The following SCNN1A variants were observed in gnomAD, a reference collection of about 807,000 sequenced individuals.
SCNN1A encodes sodium channel epithelial 1 subunit alpha, also known as epithelial sodium channel subunit alpha.
A neutral mutation model predicts 68.6 loss-of-function variants in SCNN1A; 65 were observed. The observed-to-expected ratio is 0.95, with a 90% CI of 0.78 to 1.16. The LOEUF is 1.16. Ranked by LOEUF, SCNN1A falls within the 50% of genes most tolerant of loss-of-function variation. SCNN1A has a pLI of 0.00. For synonymous variants in SCNN1A, 357 were observed against 353.3 expected (o/e 1.01, Z -0.12); for missense variants, 880 against 865.9 (o/e 1.02, Z -0.20).
intron 4 of SCNN1A, among the ~76,000 whole-genome samples, chr12:6,360,760 G>A (rs867153910): frequency 1.3e-5 from 2 of 148,612 alleles, no homozygotes; most frequent in Non-Finnish European, 1.5e-5. Flanking sequence ...GGGAGGAGGG[G>A]GCCAGAGGTT....
chr12:6,353,793 G>GT (rs1300062958), intron 8 of SCNN1A: 2 of 137,068 alleles, frequency 1.5e-5, no homozygotes, highest in South Asian at 4.9e-4. Flanking sequence ...GTTTCACCGT[G>GT]TTAGCCAGGA....
Position 6,355,286 on chromosome 12 carries a change from T to TG in SCNN1A, c.1128dup (p.Ile377HisfsTer24), listed in dbSNP as rs1948475887. ...AGCATCCTTGCCTTCCTCATGCTGA[T>TG]GGAGGTCTCCACGCCAGGCCGCAAG... On this transcript the variant is annotated frameshift_variant, in exon 6 of 13. Coordinates refer to ENST00000228916, the MANE Select transcript of SCNN1A (RefSeq NM_001038.6). LOFTEE classifies it high-confidence loss of function. The TG allele has an allele frequency of 1.2e-6, 2 of 1,613,230 alleles. No homozygotes were observed. Among genetic ancestry groups the TG allele is most frequent in the Non-Finnish European group, 8.5e-7 (1 of 1,179,638 alleles).
upstream of SCNN1A, chr12:6,377,276 C>T (rs969045309): frequency 6.4e-7 from 1 of 1,550,654 alleles, no homozygotes; most frequent in Non-Finnish European, 8.7e-7. Context: ...TGATACCTCC[C>T]CTTGGAAGGG....
intron 2 of SCNN1A, among the ~76,000 whole-genome samples, chr12:6,365,435 T>G (rs1430381188): frequency 1.3e-5 from 2 of 152,240 alleles, no homozygotes; most frequent in Non-Finnish European, 2.9e-5. Flanking sequence ...GGAAAATGTA[T>G]TCCTCCTGAC....
intron 2 of SCNN1A, chr12:6,364,029 T>C (rs994785847): frequency 4.2e-6 from 1 of 237,738 alleles, no homozygotes; most frequent in Admixed American, 5.7e-5. Context: ...GGAACTTGTC[T>C]GCCCTTTCCC....
chr12:6,357,555 C>CAA (rs10677875), intron 4 of SCNN1A, among the ~76,000 whole-genome samples: 29,381 of 142,102 alleles, frequency 0.21, 5,933 homozygotes, highest in African/African-American at 0.53. Flanking sequence ...GACTCTGTCT[C>CAA]AAAAAAAAAA....
chr12:6,353,494 C>A (rs1948425347), intron 8 of SCNN1A, among the ~76,000 whole-genome samples: 1 of 152,130 alleles, frequency 6.6e-6, no homozygotes, highest in Admixed American at 6.6e-5. Flanking sequence ...TGCACTGAAA[C>A]CTTAGGAGCC....
rs41279086 is a variant in SCNN1A, at chr12:6,375,310, C to T, written c.-55+195G>A. 4.7e-3 allele frequency: 6,781 copies of T among 1,438,110 alleles called. 25 individuals carry two copies. The highest frequency in any genetic ancestry group is 5.8e-3 in the Non-Finnish European group (6,433 of 1,103,000). 89.1% of individuals were successfully genotyped at this position (1,438,110 alleles called of 1,614,324 possible). ...TCTTCCTCTCCCCCCCTTGCCTTGC[C>T]CCCTCTCACTCTAGGCCCTCAGCTC... On this transcript the variant is annotated intron_variant, in intron 1 of 12. Transcript: ENST00000228916.
intron 2 of SCNN1A, among the ~76,000 whole-genome samples, chr12:6,370,053 C>T (rs748945631): frequency 5.9e-5 from 9 of 152,180 alleles, no homozygotes; most frequent in African/African-American, 1.2e-4. Flanking sequence ...CAGTCCAGCC[C>T]TTCTGGCCTT....
At chr12:6,357,134 C>T (rs149742202) in intron 4 of SCNN1A, among the ~76,000 whole-genome samples, 59 of 152,316 alleles carry the variant, frequency 3.9e-4, no homozygotes, top group African/African-American at 1.4e-3. Flanking sequence ...GGAGAGGCTA[C>T]AGAGGTGGCC....
chr12:6,364,606 C>A (rs1457165254), intron 2 of SCNN1A, among the ~76,000 whole-genome samples: 4 of 151,002 alleles, frequency 2.6e-5, no homozygotes, highest in Non-Finnish European at 5.9e-5. Flanking sequence ...AAAAAAAATA[C>A]AAAAAATTAG....
chr12:6,375,610 G>C, upstream of SCNN1A: 1 of 1,053,190 alleles, frequency 9.5e-7, no homozygotes, highest in Non-Finnish European at 1.4e-6. Context: ...CAGGGCGGGG[G>C]GAGGGGCTGA....
rs1252047866 is a variant in SCNN1A at position 6,363,630 on chromosome 12, G to A, written c.497C>T (p.Ser166Phe). Residue 166 changes from serine (S) to phenylalanine (F), a missense_variant, in exon 3 of 13, where the codon TCC becomes TTC. Ser to Phe is a radical substitution (Grantham distance 155, BLOSUM62 -2). This residue lies in a region of SCNN1A where 758 missense variants were observed against 721.8 expected (regional missense o/e 1.05). Coordinates refer to ENST00000228916, the MANE Select transcript of SCNN1A (RefSeq NM_001038.6). ...GGAGCCGGCCACGAGAGTGGTGAAG[G>A]AGCTGTATTTGTACAGGTCAAAGAG... is the stretch of plus-strand genomic sequence containing the variant. ...QTLFDLYKYS[S>F]FTTLVAGSRS... 2.5e-6 allele frequency: 4 copies of A among 1,613,322 alleles called. No homozygotes were observed. The highest frequency in any genetic ancestry group is 1.3e-5 in the African/African-American group (1 of 74,870).
rs1315609296 is a variant in SCNN1A at position 6,363,580 on chromosome 12, T to G, written c.547A>C (p.Thr183Pro). The G allele has an allele frequency of 1.2e-6, 2 of 1,610,428 alleles. No homozygotes were observed. The highest frequency in any genetic ancestry group is 1.7e-6 in the Non-Finnish European group (2 of 1,178,674). ...GSRSRRDLRG[T>P]LPHPLQRLRV... is the part of the protein sequence containing the mutation. ...AGGCGCTGCAAGGGGTGCGGCAGAG[T>G]CCCCCGCAGGTCGCGACGGCTGCGG... Residue 183 changes from threonine to proline, a missense_variant, in exon 3 of 13, where the codon ACT becomes CCT. Around this residue, in one of 3 missense-constraint regions of SCNN1A, gnomAD observed 758 missense variants for 721.8 expected, o/e 1.05. Coordinates refer to ENST00000228916, the MANE Select transcript of SCNN1A (RefSeq NM_001038.6).
Position 6,350,210 on chromosome 12 carries a change from A to G in SCNN1A, c.1361-805T>C, listed in dbSNP as rs565073728. Reference sequence around the variant, plus strand: ...CACTTTGGGAGGCCGAGGCGGGTGGATCACGAGGTCAAGAGATCGAGACCA... The same window carrying G: ...CACTTTGGGAGGCCGAGGCGGGTGGGTCACGAGGTCAAGAGATCGAGACCA... On this transcript the variant is annotated intron_variant, in intron 8 of 12. Transcript: ENST00000228916. 2.7e-5 allele frequency among the ~76,000 whole-genome samples: 4 copies of G among 150,026 alleles called. No homozygotes were observed. The East Asian group carries it at 8.0e-4, about 30-fold the overall frequency.
At position 6,374,327 on chromosome 12, in the gene SCNN1A, C is replaced by G; in HGVS notation, c.416+41G>C. 5 of 1,606,872 alleles carry G rather than the reference C, an allele frequency of 3.1e-6. 1 individual carries two copies. Among genetic ancestry groups the G allele is most frequent in the Non-Finnish European group, 4.3e-6 (5 of 1,175,368 alleles). On this transcript the variant is annotated intron_variant, in intron 2 of 12. Coordinates refer to ENST00000228916, the MANE Select transcript of SCNN1A (RefSeq NM_001038.6). The surrounding 1 kb of genome is among the most constrained non-coding windows in gnomAD (Gnocchi z 6.2). Reference sequence around the variant, plus strand: ...ACCTCAGCACCCTGGACCACCCTTCCAGGCGCAGGCACCAGGGAAGGGGCA... The same window carrying G: ...ACCTCAGCACCCTGGACCACCCTTCGAGGCGCAGGCACCAGGGAAGGGGCA...
rs56128666 is a variant in SCNN1A, at chr12:6,361,988, C to A, written c.875+63G>T. ...TTTCCTGGGCCCTGCCCATGCAGGGCGTGAGGCTGACCCAGGGAAGCGGAC... is the reference window on the plus strand; with the variant it reads ...TTTCCTGGGCCCTGCCCATGCAGGGAGTGAGGCTGACCCAGGGAAGCGGAC... On this transcript the variant is annotated intron_variant, in intron 4 of 12. Coordinates refer to ENST00000228916, the MANE Select transcript of SCNN1A (RefSeq NM_001038.6). 6,936 of 1,550,212 alleles carry A rather than the reference C, an allele frequency of 4.5e-3. 40 individuals are homozygous for A. The highest frequency in any genetic ancestry group is 5.6e-3 in the Non-Finnish European group (6,249 of 1,123,974).
intron 11 of SCNN1A, 72 bp downstream of exon 11, chr12:6,348,878 G>A (rs555196579): frequency 1.9e-5 from 30 of 1,601,240 alleles, no homozygotes; most frequent in South Asian, 1.1e-4. Context: ...CAACCATATC[G>A]ATCCCTCTTC....
chr12:6,376,189 G>A, upstream of SCNN1A: 3 of 985,298 alleles, frequency 3.0e-6, no homozygotes, highest in Non-Finnish European at 3.6e-6. Flanking sequence ...AGTGGGAGCA[G>A]CGCACTCAGG....
Sources: allele counts gnomAD v4.1 joint callset (sites outside exome capture counted in the v4.1 genomes callset), GRCh38; gene constraint gnomAD v4.1.1; regional missense constraint gnomAD v4.1.1; non-coding constraint Gnocchi (gnomAD v3.1); transcripts MANE v1.5; gene names NCBI Gene and HGNC (gene_info 2026-07-23, HGNC 2026-07-21).